MGAT5: variants seen among roughly 807,000 people sequenced by gnomAD.
MGAT5 encodes alpha-1,6-mannosylglycoprotein 6-beta-N-acetylglucosaminyltransferase A.
Under a neutral mutation model 94.3 loss-of-function variants are expected in MGAT5, and 30 were observed. That is an observed-to-expected ratio of 0.32 (90% CI 0.24 to 0.43). The LOEUF (loss-of-function observed/expected upper bound fraction) is 0.43. MGAT5 is among the 20% of genes least tolerant of loss of function. MGAT5 has a pLI of 1.00. For missense variants in MGAT5, 691 were observed against 905.5 expected, an observed-to-expected ratio of 0.76 and a Z score of 3.04; for synonymous variants, 310 against 322.9, an observed-to-expected ratio of 0.96 and a Z score of 0.43.
intron 1 of MGAT5, among the ~76,000 whole-genome samples, chr2:134,239,803 A>C (rs1439559272): frequency 6.6e-6 from 1 of 152,096 alleles, no homozygotes. Flanking sequence ...GTAAAACGTA[A>C]TACAAGAAGA....
At chr2:134,194,605 G>A (rs949336546) in intron 1 of MGAT5, among the ~76,000 whole-genome samples, 3 of 152,100 alleles carry the variant, frequency 2.0e-5, no homozygotes, top group Non-Finnish European at 4.4e-5. Context: ...GATGATAGGG[G>A]GTGTTTAGAG....
intron 1 of MGAT5, among the ~76,000 whole-genome samples, chr2:134,238,724 A>C (rs1320992996): frequency 6.6e-6 from 1 of 152,170 alleles, no homozygotes; most frequent in African/African-American, 2.4e-5. Flanking sequence ...TGGGCAGATC[A>C]GCTGAGGTCA....
intron 1 of MGAT5, among the ~76,000 whole-genome samples, chr2:134,239,572 C>G (rs1681856925): frequency 6.6e-6 from 1 of 152,150 alleles, no homozygotes; most frequent in South Asian, 2.1e-4. Context: ...TCTTCCACTT[C>G]TAATGACCCT....
chr2:134,345,875 CT>C (rs976660025), intron 8 of MGAT5, among the ~76,000 whole-genome samples: 1 of 151,600 alleles, frequency 6.6e-6, no homozygotes, highest in Non-Finnish European at 1.5e-5. Context: ...AGGTTATATG[CT>C]TTTTTTTGTT....
At chr2:134,128,921 C>CT (rs1270729552) in intron 1 of MGAT5, among the ~76,000 whole-genome samples, 2 of 152,144 alleles carry the variant, frequency 1.3e-5, no homozygotes, top group Non-Finnish European at 2.9e-5. Flanking sequence ...GGTTAATACT[C>CT]TTTAAGTTTC....
intron 2 of MGAT5, among the ~76,000 whole-genome samples, chr2:134,274,624 A>G (rs1293354094): frequency 1.3e-5 from 2 of 152,244 alleles, no homozygotes; most frequent in African/African-American, 4.8e-5. Context: ...AAGAGTTGTC[A>G]TTCAAGGTCA....
chr2:134,136,584 A>AAAAT (rs891752702), intron 1 of MGAT5, among the ~76,000 whole-genome samples: 6 of 152,204 alleles, frequency 3.9e-5, no homozygotes, highest in South Asian at 2.1e-4. Context: ...ATGAATAAAT[A>AAAAT]AAATAAATAA....
At chr2:134,194,585 C>A (rs925426794) in intron 1 of MGAT5, among the ~76,000 whole-genome samples, 8 of 152,122 alleles carry the variant, frequency 5.3e-5, no homozygotes, top group African/African-American at 1.9e-4. Flanking sequence ...TGCTCACACT[C>A]TAGGAAACAG....
At chr2:134,424,746 T>C (rs1402660523) in intron 13 of MGAT5, among the ~76,000 whole-genome samples, 1 of 152,236 alleles carries the variant, frequency 6.6e-6, no homozygotes, top group East Asian at 1.9e-4. Flanking sequence ...AGCAGGGTCA[T>C]GGCCCACCCC....
chr2:134,245,279 G>T (rs1043660891), intron 1 of MGAT5, among the ~76,000 whole-genome samples: 1 of 152,214 alleles, frequency 6.6e-6, no homozygotes, highest in Non-Finnish European at 1.5e-5. Flanking sequence ...CCAAAGTGCG[G>T]ATTACAGGCG....
chr2:134,318,138 G>A (rs1269470253), intron 3 of MGAT5, among the ~76,000 whole-genome samples: 4 of 152,162 alleles, frequency 2.6e-5, no homozygotes, highest in African/African-American at 9.7e-5. Context: ...CTGCTCAGTA[G>A]TTTTCAGAGA....
intron 11 of MGAT5, among the ~76,000 whole-genome samples, chr2:134,412,446 G>GT (rs1683724178): frequency 6.6e-6 from 1 of 152,046 alleles, no homozygotes; most frequent in South Asian, 2.1e-4. Flanking sequence ...AGGGCCTGTT[G>GT]TTTCTTTGGT....
chr2:134,304,205 T>TGGG (rs1686194882), intron 2 of MGAT5, among the ~76,000 whole-genome samples: 1 of 152,196 alleles, frequency 6.6e-6, no homozygotes, highest in Admixed American at 6.5e-5. Context: ...CCCCTGGTTT[T>TGGG]GGTATGCATG....
intron 2 of MGAT5, among the ~76,000 whole-genome samples, chr2:134,301,658 G>A (rs1455643146): frequency 6.6e-6 from 1 of 152,154 alleles, no homozygotes; most frequent in Admixed American, 6.6e-5. Flanking sequence ...CTGGAAGCTG[G>A]TTTAACATTT....
intron 14 of MGAT5, among the ~76,000 whole-genome samples, chr2:134,430,459 C>A: frequency 6.6e-6 from 1 of 152,128 alleles, no homozygotes; most frequent in East Asian, 1.9e-4. Flanking sequence ...ACCTCTATAT[C>A]CCTAGTAACC....
At position 134,449,006 on chromosome 2, in the gene MGAT5, C is replaced by A. The variant is rs971263283; in HGVS notation, c.*159C>A. The A allele has an allele frequency of 1.4e-6, 1 of 694,866 alleles. No individual in the cohort carries two copies. The highest frequency in any genetic ancestry group is 2.4e-6 in the Non-Finnish European group (1 of 417,196). 43.0% of individuals were successfully genotyped at this position (694,866 alleles called of 1,614,324 possible). A position where few individuals can be genotyped will look rare whatever the true frequency, so the allele number is the denominator to read the frequency against. On this transcript the variant is annotated 3_prime_UTR_variant, in exon 16 of 16. Coordinates refer to ENST00000281923, the MANE Select transcript of MGAT5 (RefSeq NM_002410.5). ...GGCATTGCCCTTGCTGCACTCCGAG[C>A]AACCCAGTGGAGTCTTCACCAAAAC...
At chr2:134,204,282 C>T (rs775296734) in intron 1 of MGAT5, among the ~76,000 whole-genome samples, 2 of 152,160 alleles carry the variant, frequency 1.3e-5, no homozygotes, top group Non-Finnish European at 2.9e-5. Context: ...ATGCACTGGG[C>T]CTTACTGCTG....
chr2:134,274,861 C>T (rs13427369), intron 2 of MGAT5, among the ~76,000 whole-genome samples: 1,979 of 152,312 alleles, frequency 0.013, 39 homozygotes, highest in African/African-American at 0.045. Context: ...GCAACACTTT[C>T]TAGTATTTGG....
intron 8 of MGAT5, among the ~76,000 whole-genome samples, chr2:134,349,129 T>C (rs1222777791): frequency 3.3e-5 from 5 of 152,208 alleles, no homozygotes; most frequent in Admixed American, 1.3e-4. Context: ...GTAAATATTA[T>C]TCTAAGCTCA....
Sources: allele counts gnomAD v4.1 joint callset (sites outside exome capture counted in the v4.1 genomes callset), GRCh38; gene constraint gnomAD v4.1.1; transcripts MANE v1.5; gene names NCBI Gene and HGNC (gene_info 2026-07-23, HGNC 2026-07-21).